Variants in PUDP observed in about 807,000 individuals in gnomAD.
PUDP encodes the protein pseudouridine 5'-phosphatase, also known as pseudouridine-5'-phosphatase.
In PUDP, 8 loss-of-function variants were observed where a neutral mutation model predicts 9.4. The observed-to-expected ratio is 0.85, with a 90% CI of 0.50 to 1.53. PUDP has a LOEUF of 1.53. PUDP is among the 40% of genes most tolerant of loss of function. PUDP has a pLI of 0.00. For missense variants in PUDP, 188 were observed against 189.7 expected (o/e 0.99, Z 0.05); for synonymous variants, 99 against 80.7 (o/e 1.23, Z -1.22).
chrX:7,005,890 T>C (rs1358671354), intron 1 of PUDP, among the ~76,000 whole-genome samples: 2 of 111,563 alleles, frequency 1.8e-5, no homozygotes, highest in Non-Finnish European at 3.8e-5. Context: ...CTCTATGATT[T>C]TGACTGCTCT....
intron 3 of PUDP, among the ~76,000 whole-genome samples, chrX:6,909,818 G>A (rs752786857): frequency 8.9e-6 from 1 of 112,330 alleles, no homozygotes; most frequent in African/African-American, 3.2e-5. Context: ...GCTGATTGAT[G>A]GATTTTAGTT....
intron 3 of PUDP, among the ~76,000 whole-genome samples, chrX:6,794,614 A>G (rs968622477): frequency 1.9e-5 from 2 of 106,043 alleles, no homozygotes; most frequent in Non-Finnish European, 3.9e-5. Flanking sequence ...TCTGACGCCC[A>G]GGCCGGAGTG....
intron 2 of PUDP, among the ~76,000 whole-genome samples, chrX:7,087,662 T>C (rs942534618): frequency 4.4e-5 from 5 of 112,420 alleles, no homozygotes; most frequent in Non-Finnish European, 9.4e-5. Context: ...AAACCTGTGT[T>C]TCCTTTTTTG....
intron 3 of PUDP, among the ~76,000 whole-genome samples, chrX:6,751,158 GAAAAAAGAAAGAAAGAAAGA>G (rs1284953265): frequency 2.9e-5 from 3 of 104,489 alleles, no homozygotes; most frequent in Non-Finnish European, 3.9e-5. Flanking sequence ...AGGAAAGAAA[GAAAAAAGAAAGAAAGAAAGA>G]AAAAAAGAAA....
chrX:6,738,460 C>T (rs1320515692), intron 3 of PUDP, among the ~76,000 whole-genome samples: 1 of 111,774 alleles, frequency 8.9e-6, no homozygotes, highest in African/African-American at 3.3e-5. Context: ...CTGAATCCCA[C>T]ACCAATGACT....
At chrX:6,783,818 G>A (rs1440365134) in intron 3 of PUDP, among the ~76,000 whole-genome samples, 2 of 111,401 alleles carry the variant, frequency 1.8e-5, no homozygotes, top group African/African-American at 3.3e-5. Flanking sequence ...CTCAAAATTC[G>A]CCATCTGCAA....
At chrX:6,979,323 C>G (rs1929000405) in intron 1 of PUDP, among the ~76,000 whole-genome samples, 1 of 111,582 alleles carries the variant, frequency 9.0e-6, no homozygotes, top group South Asian at 3.8e-4. Context: ...ACCTCCTCCA[C>G]ACACATCTGA....
chrX:7,050,229 T>C lies in PUDP; in HGVS notation c.*67A>G, dbSNP rs1321840303. ...TGGGATTGAAGAGTTGCTGATTTCC[T>C]TTCCCTTTCCCCCAGCAGTGTGGAC... On this transcript the variant is annotated 3_prime_UTR_variant, in exon 4 of 4. Coordinates refer to ENST00000381077, the MANE Select transcript of PUDP (RefSeq NM_012080.5). 2.8e-6 allele frequency: 3 copies of C among 1,064,075 alleles called. No individual in the cohort carries two copies. Among genetic ancestry groups the C allele is most frequent in the South Asian group, 2.3e-5 (1 of 44,395 alleles). 87.7% of individuals were successfully genotyped at this position (1,064,075 alleles called of 1,213,427 possible).
intron 1 of PUDP, among the ~76,000 whole-genome samples, chrX:7,111,765 T>C (rs1379210580): frequency 2.7e-5 from 3 of 112,066 alleles, no homozygotes; most frequent in African/African-American, 9.7e-5. Context: ...ACACACCTTC[T>C]AGGCGGTTGC....
intron 3 of PUDP, among the ~76,000 whole-genome samples, chrX:6,747,351 T>C (rs1925012108): frequency 8.9e-6 from 1 of 112,073 alleles, no homozygotes; most frequent in Non-Finnish European, 1.9e-5. Context: ...CTATGACTCA[T>C]CTTGACCTTT....
chrX:6,771,636 T>G (rs1925365519), intron 3 of PUDP, among the ~76,000 whole-genome samples: 1 of 112,465 alleles, frequency 8.9e-6, no homozygotes. Context: ...CTTATGTTTA[T>G]TGACATCACA....
chrX:7,106,127 T>G (rs769823590), intron 1 of PUDP, among the ~76,000 whole-genome samples: 7 of 112,757 alleles, frequency 6.2e-5, no homozygotes, highest in African/African-American at 2.3e-4. Context: ...TGTACGTATT[T>G]GAATCTAAAT....
intron 2 of PUDP, among the ~76,000 whole-genome samples, chrX:7,103,099 G>T (rs1179874185): frequency 1.8e-5 from 2 of 111,598 alleles, no homozygotes; most frequent in African/African-American, 6.5e-5. Flanking sequence ...AATCTCAAGG[G>T]ATCCCAAATA....
At chrX:6,975,018 T>C (rs748931831) in intron 3 of PUDP, among the ~76,000 whole-genome samples, 183 of 109,222 alleles carry the variant, frequency 1.7e-3, no homozygotes, top group Non-Finnish European at 3.0e-3. Flanking sequence ...TTGATATTTG[T>C]TTATGCTTCA....
At chrX:6,742,689 C>T (rs1457664944) in intron 3 of PUDP, among the ~76,000 whole-genome samples, 1 of 111,702 alleles carries the variant, frequency 9.0e-6, no homozygotes, top group African/African-American at 3.3e-5. Context: ...GTGGGAGGAT[C>T]GTGTAAGACC....
intron 1 of PUDP, among the ~76,000 whole-genome samples, chrX:7,028,248 T>C (rs1305673763): frequency 1.8e-5 from 2 of 110,588 alleles, no homozygotes; most frequent in Non-Finnish European, 3.8e-5. Flanking sequence ...TAATGGCTCA[T>C]TTTTTATCCA....
intron 3 of PUDP, among the ~76,000 whole-genome samples, chrX:6,796,710 A>G (rs1264615919): frequency 8.9e-6 from 1 of 112,327 alleles, no homozygotes; most frequent in Non-Finnish European, 1.9e-5. Flanking sequence ...AAGAGAAAGA[A>G]AGAGAAAGAG....
intron 3 of PUDP, among the ~76,000 whole-genome samples, chrX:6,896,284 G>A (rs1927590608): frequency 3.6e-5 from 4 of 111,678 alleles, no homozygotes; most frequent in African/African-American, 6.5e-5. Flanking sequence ...CAGTAATCAC[G>A]TGGAGAAGAC....
chrX:6,882,634 G>C (rs1180591173), intron 3 of PUDP, among the ~76,000 whole-genome samples: 1 of 111,673 alleles, frequency 9.0e-6, no homozygotes, highest in African/African-American at 3.3e-5. Flanking sequence ...AGTCATGAGC[G>C]GTGGTTAAGG....
Sources: allele counts gnomAD v4.1 joint callset (sites outside exome capture counted in the v4.1 genomes callset), GRCh38; gene constraint gnomAD v4.1.1; transcripts MANE v1.5; gene names NCBI Gene and HGNC (gene_info 2026-07-23, HGNC 2026-07-21).